The following TNR variants were observed in gnomAD, a reference collection of about 807,000 sequenced individuals.
TNR encodes tenascin-R.
TNR carries 45 observed loss-of-function variants against 150.4 expected under a neutral mutation model. The ratio of observed to expected loss-of-function variants is 0.30; its 90% CI spans 0.24 to 0.38. The LOEUF is 0.38. Among genes scored for constraint, TNR ranks in the 10% least tolerant of loss-of-function variants. TNR has a pLI of 1.00. For missense variants in TNR, 1,544 were observed against 1,759.1 expected (o/e 0.88, Z 2.19); for synonymous variants, 687 against 678.4 (o/e 1.01, Z -0.20).
At chr1:175,391,508 T>C in intron 6 of TNR, 70 bp from the exon 7 acceptor site, 4 of 1,522,140 alleles carry the variant, frequency 2.6e-6, no homozygotes, top group South Asian at 1.2e-5. Context: ...GAGAGAAAGA[T>C]AAAGGTGTGG....
intron 22 of TNR, 90 bp from the exon 23 acceptor site, chr1:175,323,566 C>T (rs1377359891): frequency 2.6e-6 from 4 of 1,545,152 alleles, no homozygotes; most frequent in South Asian, 2.5e-5. Context: ...ACAGGGAATC[C>T]ACAATGTGGG....
chr1:175,424,100 G>GT (rs1557925129), intron 2 of TNR, among the ~76,000 whole-genome samples: 1 of 152,190 alleles, frequency 6.6e-6, no homozygotes, highest in Non-Finnish European at 1.5e-5. Context: ...TTTTGGTGGG[G>GT]TTTTTTCCAC....
At chr1:175,679,209 G>A (rs189655989) in intron 1 of TNR, among the ~76,000 whole-genome samples, 23 of 152,304 alleles carry the variant, frequency 1.5e-4, no homozygotes, top group Middle Eastern at 6.8e-3. Context: ...CGGGTGCTTC[G>A]GAGCAAAGCT....
chr1:175,597,331 C>T (rs1398382442), intron 1 of TNR, among the ~76,000 whole-genome samples: 1 of 152,158 alleles, frequency 6.6e-6, no homozygotes, highest in Admixed American at 6.5e-5. Flanking sequence ...ACGTGAGGAA[C>T]AGCATCTCCT....
At chr1:175,389,441 G>C (rs1653073776) in intron 7 of TNR, among the ~76,000 whole-genome samples, 1 of 152,206 alleles carries the variant, frequency 6.6e-6, no homozygotes, top group South Asian at 2.1e-4. Context: ...AGAGGAGGTG[G>C]AGAAGAAATG....
At chr1:175,359,760 A>G (rs2102009330) in intron 14 of TNR, 29 bp from the exon 15 acceptor site, 1 of 1,584,178 alleles carries the variant, frequency 6.3e-7, no homozygotes, top group African/African-American at 1.3e-5. Flanking sequence ...TCAGTTACAG[A>G]TAAGAGGAGC....
chr1:175,616,029 A>T (rs867673761), intron 1 of TNR, among the ~76,000 whole-genome samples: 18 of 152,336 alleles, frequency 1.2e-4, no homozygotes, highest in African/African-American at 4.1e-4. Flanking sequence ...GGTAATTTTT[A>T]AAAATAACTG....
intron 2 of TNR, among the ~76,000 whole-genome samples, chr1:175,445,460 G>C (rs1019882881): frequency 6.6e-6 from 1 of 151,914 alleles, no homozygotes; most frequent in Non-Finnish European, 1.5e-5. Flanking sequence ...CCATTTCTTG[G>C]TCTCTCTGTG....
At chr1:175,500,803 C>A (rs192148246) in intron 2 of TNR, among the ~76,000 whole-genome samples, 1 of 152,214 alleles carries the variant, frequency 6.6e-6, no homozygotes, top group Non-Finnish European at 1.5e-5. Flanking sequence ...AGCAGGAGGA[C>A]GCTTAGACCT....
At chr1:175,428,625 T>C (rs1047444089) in intron 2 of TNR, among the ~76,000 whole-genome samples, 1 of 152,350 alleles carries the variant, frequency 6.6e-6, no homozygotes, top group East Asian at 1.9e-4. Context: ...AATCAACATA[T>C]GTTTTTTGAG....
At chr1:175,697,408 C>A (rs1666563116) in intron 1 of TNR, among the ~76,000 whole-genome samples, 1 of 149,980 alleles carries the variant, frequency 6.7e-6, no homozygotes, top group Non-Finnish European at 1.5e-5. Flanking sequence ...CCTGCATAAT[C>A]TCCTCTCATT....
At chr1:175,513,309 G>A (rs1278036825) in intron 2 of TNR, among the ~76,000 whole-genome samples, 2 of 152,162 alleles carry the variant, frequency 1.3e-5, no homozygotes, top group East Asian at 3.9e-4. Flanking sequence ...TAACTCTCCT[G>A]TCTCATCTCC....
intron 2 of TNR, among the ~76,000 whole-genome samples, chr1:175,503,018 C>T (rs1395258141): frequency 6.7e-6 from 1 of 148,616 alleles, no homozygotes; most frequent in Non-Finnish European, 1.5e-5. Flanking sequence ...TCAGCATATG[C>T]TCATCCCAAC....
intron 2 of TNR, among the ~76,000 whole-genome samples, chr1:175,463,134 T>C (rs769632845): frequency 6.6e-6 from 1 of 152,050 alleles, no homozygotes; most frequent in Non-Finnish European, 1.5e-5. Context: ...TCTATATCTG[T>C]TTTTACCCAC....
chr1:175,403,408 T>C lies in TNR; in HGVS notation c.708A>G (p.Pro236=). 1.2e-6 allele frequency: 2 copies of C among 1,614,162 alleles called. No individual in the cohort carries two copies. Among genetic ancestry groups the C allele is most frequent in the South Asian group, 1.1e-5 (1 of 91,078 alleles). The change falls in exon 4 of 23, where the codon CCA becomes CCG. Residue 236 remains proline (P), a synonymous_variant. Coordinates refer to ENST00000367674, the MANE Select transcript of TNR (RefSeq NM_003285.3). The part of the protein sequence containing the change: ...SGDDCSELRC[P]TDCSSRGLCV... The stretch of plus-strand genomic sequence containing the variant: ...AGAGCCCCCGGGAGCTGCAGTCTGT[T>C]GGGCACCGGAGTTCGGAACAGTCAT...
intron 17 of TNR, among the ~76,000 whole-genome samples, 195 bp from the exon 18 acceptor site, chr1:175,354,718 G>A (rs758427507): frequency 1.3e-5 from 2 of 152,182 alleles, no homozygotes; most frequent in African/African-American, 4.8e-5. Flanking sequence ...ATTTAGGCCA[G>A]CTCCTATCTC....
chr1:175,671,911 C>CTGTGTGTATGTGTGTGTG (rs376597060), intron 1 of TNR, among the ~76,000 whole-genome samples: 5,554 of 142,088 alleles, frequency 0.039, 151 homozygotes, highest in Non-Finnish European at 0.057. Flanking sequence ...TGAGCTGTAC[C>CTGTGTGTATGTGTGTGTG]TGTGTGTGTG....
intron 2 of TNR, among the ~76,000 whole-genome samples, chr1:175,497,486 C>A (rs1304491257): frequency 6.6e-6 from 1 of 152,198 alleles, no homozygotes; most frequent in Non-Finnish European, 1.5e-5. Flanking sequence ...CTTGGATAAA[C>A]CGATATCTGC....
chr1:175,370,248 C>T (rs1473802269), intron 9 of TNR, among the ~76,000 whole-genome samples: 1 of 149,324 alleles, frequency 6.7e-6, no homozygotes, highest in East Asian at 2.0e-4. Flanking sequence ...TTATATGAGT[C>T]AAAGTGTTTA....
Sources: gnomAD v4.1 joint callset for allele counts (sites outside exome capture counted in the v4.1 genomes callset) on GRCh38, gnomAD v4.1.1 for gene constraint, MANE v1.5 for transcripts, NCBI Gene and HGNC (gene_info 2026-07-23, HGNC 2026-07-21) for gene names.